NOS1: variants seen among roughly 807,000 people sequenced by gnomAD.
NOS1 encodes NOS type I.
Under a neutral mutation model 164.5 loss-of-function variants are expected in NOS1, and 51 were observed. That is an observed-to-expected ratio of 0.31 (90% CI 0.25 to 0.39). The LOEUF is 0.39. NOS1 is among the 10% of genes least tolerant of loss of function. NOS1 has a pLI of 1.00. For missense variants in NOS1, 1,362 were observed against 1,885.6 expected (o/e 0.72, Z 5.14); for synonymous variants, 719 against 745.8 (o/e 0.96, Z 0.59).
intron 1 of NOS1, among the ~76,000 whole-genome samples, chr12:117,355,903 G>A (rs1876832417): frequency 6.6e-6 from 1 of 152,084 alleles, no homozygotes; most frequent in Admixed American, 6.5e-5. Context: ...GGGACCACAG[G>A]TGCACGCCAC....
In NOS1 at chr12:117,272,639, T is replaced by A; in HGVS notation, c.1665-80A>T. 1.5e-6 allele frequency: 2 copies of A among 1,359,212 alleles called. No homozygotes were observed. The highest frequency in any genetic ancestry group is 2.0e-6 in the Non-Finnish European group (2 of 978,836). 84.2% of individuals were successfully genotyped at this position (1,359,212 alleles called of 1,614,324 possible). ...CAGCTTGAATCTAGAGATGCTGAAA[T>A]GCCAAGGATGGACTGGGACTGACAA... is the stretch of plus-strand genomic sequence containing the variant. On this transcript the variant is annotated intron_variant, in intron 9 of 28. Coordinates refer to ENST00000317775, the MANE Select transcript of NOS1 (RefSeq NM_000620.5). This position sits in a 1 kb window ranked among gnomAD's most constrained non-coding sequence, Gnocchi z 4.3.
intron 3 of NOS1, among the ~76,000 whole-genome samples, chr12:117,291,529 C>CTT (rs565345654): frequency 0.027 from 2,672 of 97,290 alleles, 176 homozygotes; most frequent in African/African-American, 0.079. Context: ...TTACATCTGT[C>CTT]TTTTTTTTTT....
chr12:117,326,346 A>T (rs1373475237), intron 2 of NOS1, among the ~76,000 whole-genome samples: 1 of 150,908 alleles, frequency 6.6e-6, no homozygotes, highest in Non-Finnish European at 1.5e-5. Flanking sequence ...AGATCATACC[A>T]CTGCACTCCA....
intron 8 of NOS1, among the ~76,000 whole-genome samples, chr12:117,279,917 C>T (rs922597209): frequency 3.9e-5 from 6 of 152,182 alleles, no homozygotes; most frequent in Non-Finnish European, 5.9e-5. Flanking sequence ...AGCCCTTAGC[C>T]TTGCCAGCTA....
At chr12:117,278,223 G>T in intron 8 of NOS1, 125 bp from the exon 9 acceptor site, 1 of 1,100,584 alleles carries the variant, frequency 9.1e-7, no homozygotes, top group Non-Finnish European at 1.2e-6. Context: ...CATTTCCTCT[G>T]GAGGCTCTTG....
At chr12:117,287,844 T>C (rs921640347) in intron 5 of NOS1, among the ~76,000 whole-genome samples, 7 of 152,224 alleles carry the variant, frequency 4.6e-5, no homozygotes, top group African/African-American at 1.4e-4. Context: ...CTTTAGGGTA[T>C]GTATCTAGGC....
intron 27 of NOS1, 63 bp from the exon 28 acceptor site, chr12:117,218,227 C>A (rs41501744): frequency 8.3e-6 from 10 of 1,210,810 alleles, no homozygotes; most frequent in Middle Eastern, 1.9e-4. Flanking sequence ...GGAGCAGGGG[C>A]AGACTTGCCT....
chr12:117,265,645 TTC>T lies in NOS1; in HGVS notation c.1942-137_1942-136del, dbSNP rs371791717. ...AGAGCAGCGTGAAGTGAGATGGTGA[TTC>T]TCTCTGCATTTCTTGTCCAGTCCTT... On this transcript the variant is annotated intron_variant, in intron 11 of 28. Coordinates refer to ENST00000317775, the MANE Select transcript of NOS1 (RefSeq NM_000620.5). The T allele has an allele frequency of 1.5e-4, 78 of 537,528 alleles. 1 individual carries two copies. The East Asian group carries it at 2.0e-3, about 14-fold the overall frequency. 33.3% of individuals were successfully genotyped at this position (537,528 alleles called of 1,614,324 possible).
At chr12:117,284,968 T>C (rs1229941115) in intron 7 of NOS1, among the ~76,000 whole-genome samples, 2 of 150,348 alleles carry the variant, frequency 1.3e-5, no homozygotes, top group Non-Finnish European at 2.9e-5. Context: ...GAGAATCGCT[T>C]GAACCTGGGA....
chr12:117,288,158 C>G lies in NOS1; in HGVS notation c.1043G>C (p.Arg348Thr). 1 of 1,614,090 alleles carries G rather than the reference C, an allele frequency of 6.2e-7. No homozygotes were observed. The highest frequency in any genetic ancestry group is 8.5e-7 in the Non-Finnish European group (1 of 1,179,996). Reference sequence around the variant, plus strand: ...TTTTGTGCGGACGTCTTCAGGCCTCCTTGCATGCTGAGAAGGATGCATGAT... The same window carrying G: ...TTTTGTGCGGACGTCTTCAGGCCTCGTTGCATGCTGAGAAGGATGCATGAT... ...GSIMHPSQHA[R>T]RPEDVRTKGQ... The change falls in exon 5 of 29, where the codon AGG becomes ACG. Residue 348 changes from arginine (R) to threonine (T), a missense_variant. This residue lies in a region of NOS1 where 129 missense variants were observed against 186.0 expected (regional missense o/e 0.69). Coordinates refer to ENST00000317775, the MANE Select transcript of NOS1 (RefSeq NM_000620.5).
intron 2 of NOS1, among the ~76,000 whole-genome samples, chr12:117,316,527 T>C (rs1292495848): frequency 6.6e-6 from 1 of 152,220 alleles, no homozygotes; most frequent in Non-Finnish European, 1.5e-5. Context: ...GTCACGGGAA[T>C]TTAATGAGAT....
At chr12:117,282,521 CCT>C (rs1011196627) in intron 7 of NOS1, among the ~76,000 whole-genome samples, 10 of 152,328 alleles carry the variant, frequency 6.6e-5, no homozygotes, top group East Asian at 3.9e-4. Flanking sequence ...TACAGCAACC[CCT>C]GTCTCATCTA....
Position 117,247,604 on chromosome 12 carries a change from T to TC in NOS1, c.2649-83dup. The TC allele has an allele frequency of 3.2e-6, 4 of 1,252,174 alleles. No homozygotes were observed. In the East Asian group the frequency reaches 1.0e-4, roughly 33 times the overall value. 77.6% of individuals were successfully genotyped at this position (1,252,174 alleles called of 1,614,324 possible). A position where few individuals can be genotyped will look rare whatever the true frequency, so the allele number is the denominator to read the frequency against. ...GTCTGGTGTAATGGGCTAAACTGTG[T>TC]CCCCCCAAATTTCATATATTAAAAC... On this transcript the variant is annotated intron_variant, in intron 17 of 28. Coordinates refer to ENST00000317775, the MANE Select transcript of NOS1 (RefSeq NM_000620.5).
intron 28 of NOS1, among the ~76,000 whole-genome samples, chr12:117,216,868 T>A (rs763812036): frequency 6.6e-6 from 1 of 152,112 alleles, no homozygotes; most frequent in Non-Finnish European, 1.5e-5. Flanking sequence ...GAGACTGCTG[T>A]GTCATCGTAA....
rs572731598 is a variant in NOS1, at chr12:117,314,224, AC to A, written c.726-2633del. ...ACCCTTTAAAATGTCACCAAAACAT[AC>A]CCAGAGTGGCTCTTGATTACAGGCA... On this transcript the variant is annotated intron_variant, in intron 2 of 28. Coordinates refer to ENST00000317775, the MANE Select transcript of NOS1 (RefSeq NM_000620.5). Among the ~76,000 whole-genome samples the A allele has an allele frequency of 5.3e-4, 80 of 152,328 alleles. No individual in the cohort carries two copies. The South Asian group carries it at 0.016, about 31-fold the overall frequency.
At chr12:117,224,954 A>G in intron 25 of NOS1, 62 bp downstream of exon 25, 5 of 1,609,562 alleles carry the variant, frequency 3.1e-6, no homozygotes, top group Non-Finnish European at 4.3e-6. Context: ...GGCTGCTGAG[A>G]CACAGCTGGA....
intron 16 of NOS1, chr12:117,255,846 A>T: frequency 1.4e-6 from 1 of 722,360 alleles, no homozygotes; most frequent in East Asian, 3.1e-5. Flanking sequence ...GATCTCCTTG[A>T]GACCTAGATG....
chr12:117,304,064 G>C (rs1022261590), intron 3 of NOS1, among the ~76,000 whole-genome samples: 4 of 152,026 alleles, frequency 2.6e-5, no homozygotes, highest in Admixed American at 6.6e-5. Context: ...CCCAGCTGCT[G>C]GGGAGGCTGA....
intron 2 of NOS1, among the ~76,000 whole-genome samples, chr12:117,324,688 C>G (rs1197824189): frequency 6.8e-6 from 1 of 146,628 alleles, no homozygotes; most frequent in African/African-American, 2.7e-5. Context: ...TGCACTCCAG[C>G]CTGGGCTACA....
Sources: allele counts gnomAD v4.1 joint callset (sites outside exome capture counted in the v4.1 genomes callset), GRCh38; gene constraint gnomAD v4.1.1; regional missense constraint gnomAD v4.1.1; non-coding constraint Gnocchi (gnomAD v3.1); transcripts MANE v1.5; gene names NCBI Gene and HGNC (gene_info 2026-07-23, HGNC 2026-07-21).